The following ORC4 variants were observed in gnomAD, a reference collection of about 807,000 sequenced individuals.
The protein encoded by ORC4 is origin recognition complex subunit 4.
In ORC4, 55 loss-of-function variants were observed where a neutral mutation model predicts 63.9. That is an observed-to-expected ratio of 0.86 (90% CI 0.69 to 1.08). The LOEUF (loss-of-function observed/expected upper bound fraction) is 1.08. ORC4 is among the 50% of genes least tolerant of loss of function. The probability of loss-of-function intolerance (pLI) is 0.00; values close to 1 mark genes in which losing one functional copy is unlikely to be tolerated. For synonymous variants in ORC4, 150 were observed against 168.5 expected, an observed-to-expected ratio of 0.89 and a Z score of 0.85; for missense variants, 511 against 504.4, an observed-to-expected ratio of 1.01 and a Z score of -0.13.
intron 1 of ORC4, among the ~76,000 whole-genome samples, chr2:148,016,772 G>A (rs915557061): frequency 6.6e-6 from 1 of 152,192 alleles, no homozygotes; most frequent in African/African-American, 2.4e-5. Context: ...ATAAAGATAT[G>A]TTAGAGCCTC....
chr2:148,006,994 T>C (rs780036930), intron 1 of ORC4, among the ~76,000 whole-genome samples: 1 of 152,212 alleles, frequency 6.6e-6, no homozygotes, highest in Non-Finnish European at 1.5e-5. Context: ...ATTCTCCCAA[T>C]TATCTTCCCA....
At chr2:148,008,227 G>T (rs1467924911) in intron 1 of ORC4, among the ~76,000 whole-genome samples, 1 of 152,180 alleles carries the variant, frequency 6.6e-6, no homozygotes, top group Non-Finnish European at 1.5e-5. Flanking sequence ...AAACTCACTG[G>T]TGAAAGTAAG....
Position 147,932,788 on chromosome 2 carries a change from T to G in ORC4, c.*2722A>C, listed in dbSNP as rs1182099445. 1.3e-5 allele frequency: 2 copies of G among 152,074 alleles called. No homozygotes were observed. The highest frequency in any genetic ancestry group is 2.9e-5 in the Non-Finnish European group (2 of 68,022). 9.4% of individuals were successfully genotyped at this position (152,074 alleles called of 1,614,324 possible). A position where few individuals can be genotyped will look rare whatever the true frequency, so the allele number is the denominator to read the frequency against. On this transcript the variant is annotated 3_prime_UTR_variant, in exon 14 of 14. Coordinates refer to ENST00000392857, the MANE Select transcript of ORC4 (RefSeq NM_181741.4). ...GTGAAGGATGGGGCAGCACTTAGGT[T>G]ATGGTGGTTTGAAAGAAACTGAATT... is the stretch of plus-strand genomic sequence containing the variant.
chr2:148,018,880 A>G (rs1349358022), intron 1 of ORC4, among the ~76,000 whole-genome samples: 1 of 152,234 alleles, frequency 6.6e-6, no homozygotes, highest in East Asian at 1.9e-4. Context: ...GGAGCTTCTC[A>G]GGTGCCACAG....
At position 147,943,529 on chromosome 2, in the gene ORC4, G is replaced by GTA; in HGVS notation, c.763-8_763-7insTA. On this transcript the variant is annotated splice_region_variant and splice_polypyrimidine_tract_variant and intron_variant, in intron 9 of 13. Transcript: ENST00000392857. Reference sequence around the variant, plus strand: ...TTCTATCTTCTGAGAGATACTAAAAGGAAAAAAAAAAAAAAAGCCAAAATT... The same window carrying GTA: ...TTCTATCTTCTGAGAGATACTAAAAGTAGAAAAAAAAAAAAAAAGCCAAAATT... 1.7e-6 allele frequency: 2 copies of GTA among 1,167,714 alleles called. No individual in the cohort carries two copies. The highest frequency in any genetic ancestry group is 2.3e-6 in the Non-Finnish European group (2 of 860,000). The allele number at this position is 1,167,714 out of a possible 1,614,324, so 72.3% of individuals were successfully genotyped here.
intron 1 of ORC4, among the ~76,000 whole-genome samples, chr2:147,988,729 T>C: frequency 6.6e-6 from 1 of 152,064 alleles, no homozygotes; most frequent in East Asian, 1.9e-4. Context: ...CTGCAGCTTT[T>C]TCCTGGAATG....
intron 4 of ORC4, chr2:147,960,371 T>C: frequency 1.0e-6 from 1 of 966,444 alleles, no homozygotes; most frequent in Non-Finnish European, 1.2e-6. Flanking sequence ...TGGGTATTGC[T>C]AAAATTTATT....
chr2:147,977,163 G>GT (rs1185616023), intron 1 of ORC4, among the ~76,000 whole-genome samples: 2 of 152,218 alleles, frequency 1.3e-5, no homozygotes. Context: ...GATAGGCTAG[G>GT]TATGTTGACC....
chr2:147,967,953 T>C (rs1025522592), intron 4 of ORC4, among the ~76,000 whole-genome samples: 1 of 152,042 alleles, frequency 6.6e-6, no homozygotes, highest in African/African-American at 2.4e-5. Context: ...AACAGACATG[T>C]AGACCAATAG....
intron 4 of ORC4, among the ~76,000 whole-genome samples, chr2:147,963,253 T>G (rs2105326996): frequency 6.6e-6 from 1 of 152,274 alleles, no homozygotes; most frequent in East Asian, 1.9e-4. Context: ...AAATCAGCCC[T>G]GAGGGTTGCC....
intron 1 of ORC4, among the ~76,000 whole-genome samples, chr2:148,006,080 G>A (rs759654463): frequency 3.3e-5 from 5 of 152,096 alleles, no homozygotes; most frequent in Admixed American, 6.6e-5. Flanking sequence ...AAGAAGCATC[G>A]AAGAGGGTAG....
intron 4 of ORC4, among the ~76,000 whole-genome samples, chr2:147,964,970 CAGAAATAAAGG>C (rs2105330883): frequency 6.6e-6 from 1 of 152,064 alleles, no homozygotes; most frequent in African/African-American, 2.4e-5. Context: ...CCAGCAGCTT[CAGAAATAAAGG>C]AGAAATAAAA....
In ORC4 at chr2:147,948,105, T is replaced by C; in HGVS notation, c.708A>G (p.Leu236=). The change falls in exon 9 of 14, where the codon CTA becomes CTG. Residue 236 remains leucine (L), a synonymous_variant. Coordinates refer to ENST00000392857, the MANE Select transcript of ORC4 (RefSeq NM_181741.4). The part of the protein sequence containing the change: ...YVKIFKEQLS[L]PAEFPDKVFA... ...AAACCTTGTCTGGAAACTCTGCAGG[T>C]AGAGATAACTGTTCTTTAAATATTT... 1 of 1,611,726 alleles carries C rather than the reference T, an allele frequency of 6.2e-7. No individual in the cohort carries two copies. Among genetic ancestry groups the C allele is most frequent in the Non-Finnish European group, 8.5e-7 (1 of 1,178,120 alleles).
At chr2:147,972,505 G>T (rs1573818005) in intron 4 of ORC4, among the ~76,000 whole-genome samples, 2 of 151,702 alleles carry the variant, frequency 1.3e-5, no homozygotes, top group East Asian at 1.9e-4. Flanking sequence ...TTCACTAGGA[G>T]GACAAATAAG....
chr2:148,009,195 A>G (rs111474278), intron 1 of ORC4, among the ~76,000 whole-genome samples: 1 of 152,124 alleles, frequency 6.6e-6, no homozygotes, highest in African/African-American at 2.4e-5. Context: ...AAGAAATTAA[A>G]ACATACTACC....
In ORC4 at chr2:147,952,321, C is replaced by T. The variant is rs561562183; in HGVS notation, c.588+52G>A. On this transcript the variant is annotated intron_variant, in intron 8 of 13. Transcript: ENST00000392857. Reference sequence around the variant, plus strand: ...AAAACTAGCAGTGTCAGCAATTAAGCTTGAATTTTAAAATATTATAATCAA... The same window carrying T: ...AAAACTAGCAGTGTCAGCAATTAAGTTTGAATTTTAAAATATTATAATCAA... 3.6e-6 allele frequency: 5 copies of T among 1,373,732 alleles called. No individual in the cohort carries two copies. In the South Asian group the frequency reaches 5.2e-5, roughly 14 times the overall value. 85.1% of individuals were successfully genotyped at this position (1,373,732 alleles called of 1,614,324 possible).
intron 1 of ORC4, among the ~76,000 whole-genome samples, chr2:148,007,812 C>T (rs1367301277): frequency 1.3e-5 from 2 of 152,022 alleles, no homozygotes; most frequent in Non-Finnish European, 2.9e-5. Flanking sequence ...AAGAAAGGAT[C>T]CTAAAAGCGG....
intron 9 of ORC4, among the ~76,000 whole-genome samples, chr2:147,946,927 T>C (rs1175963643): frequency 1.3e-5 from 2 of 152,056 alleles, no homozygotes; most frequent in Non-Finnish European, 2.9e-5. Context: ...ATGTATTCTT[T>C]TGCACTAATT....
chr2:147,975,256 G>A (rs1390438727), intron 2 of ORC4, among the ~76,000 whole-genome samples: 1 of 151,976 alleles, frequency 6.6e-6, no homozygotes, highest in East Asian at 1.9e-4. Context: ...CTCAGCACTT[G>A]GAATACAATA....
Sources: allele counts gnomAD v4.1 joint callset (sites outside exome capture counted in the v4.1 genomes callset), GRCh38; gene constraint gnomAD v4.1.1; transcripts MANE v1.5; gene names NCBI Gene and HGNC (gene_info 2026-07-23, HGNC 2026-07-21).